ANKS4B: variants seen among roughly 807,000 people sequenced by gnomAD.
ANKS4B encodes ankyrin repeat and SAM domain-containing protein 4B.
Under a neutral mutation model 20.2 loss-of-function variants are expected in ANKS4B, and 21 were observed. That is an observed-to-expected ratio of 1.04 (90% confidence interval 0.74 to 1.50). The LOEUF (loss-of-function observed/expected upper bound fraction) is 1.50. Ranked by LOEUF, ANKS4B falls within the 40% of genes most tolerant of loss-of-function variation. The probability of loss-of-function intolerance (pLI) is 0.00; values close to 1 mark genes in which losing one functional copy is unlikely to be tolerated. For missense variants in ANKS4B, 473 were observed against 494.6 expected (o/e 0.96, Z 0.41); for synonymous variants, 179 against 194.5 (o/e 0.92, Z 0.66).
At chr16:21,234,782 C>G (rs1398530577) in intron 1 of ANKS4B, among the ~76,000 whole-genome samples, 1 of 152,138 alleles carries the variant, frequency 6.6e-6, no homozygotes, top group East Asian at 1.9e-4. Context: ...AAGACAGCCA[C>G]AGTCCCTGTC....
chr16:21,234,018 A>G (rs773226598), intron 1 of ANKS4B, 117 bp downstream of exon 1: 107 of 1,051,802 alleles, frequency 1.0e-4, no homozygotes, highest in Middle Eastern at 3.2e-4. Flanking sequence ...GATTGTCTAA[A>G]TGATTGGATT....
chr16:21,246,700 A>T (rs1203819833), intron 1 of ANKS4B, among the ~76,000 whole-genome samples: 3 of 152,162 alleles, frequency 2.0e-5, no homozygotes, highest in Non-Finnish European at 4.4e-5. Flanking sequence ...AGATGATTTG[A>T]CTGGGAGACC....
chr16:21,240,449 C>T lies in ANKS4B; in HGVS notation c.164+6548C>T, dbSNP rs1210074217. Among the ~76,000 whole-genome samples, 3 of 152,152 alleles carry T rather than the reference C, an allele frequency of 2.0e-5. No individual in the cohort carries two copies. The East Asian group carries it at 5.8e-4, about 29-fold the overall frequency. ...GACTACAGGTGCCTGCCACCACACC[C>T]CGCTAATTTTTGTATTTTTAGTAGA... On this transcript the variant is annotated intron_variant, in intron 1 of 1. Coordinates refer to ENST00000311620, the MANE Select transcript of ANKS4B (RefSeq NM_145865.3).
chr16:21,235,576 T>C (rs2152859048), intron 1 of ANKS4B, among the ~76,000 whole-genome samples: 1 of 152,170 alleles, frequency 6.6e-6, no homozygotes, highest in East Asian at 1.9e-4. Context: ...TCGAGATGAG[T>C]TGGACTAGGG....
intron 1 of ANKS4B, among the ~76,000 whole-genome samples, chr16:21,237,513 C>A (rs961772554): frequency 1.3e-5 from 2 of 152,012 alleles, no homozygotes; most frequent in Non-Finnish European, 1.5e-5. Context: ...CTGATGACAG[C>A]CCTGTCTCCG....
At chr16:21,243,258 G>A (rs1164545746) in intron 1 of ANKS4B, among the ~76,000 whole-genome samples, 1 of 151,942 alleles carries the variant, frequency 6.6e-6, no homozygotes, top group Non-Finnish European at 1.5e-5. Context: ...AAAATCAAGG[G>A]AAAAATGGGT....
At chr16:21,239,938 A>C (rs142425952) in intron 1 of ANKS4B, among the ~76,000 whole-genome samples, 3,120 of 152,288 alleles carry the variant, frequency 0.02, 34 homozygotes, top group Middle Eastern at 0.088. Context: ...TATATAACAA[A>C]CCTGCACATG....
chr16:21,234,483 TACACAC>T (rs34242527), intron 1 of ANKS4B, among the ~76,000 whole-genome samples: 1,721 of 124,710 alleles, frequency 0.014, 32 homozygotes, highest in African/African-American at 0.046. Context: ...AGTGGATAGA[TACACAC>T]ACACACACAC....
chr16:21,242,418 C>G (rs2093327541), intron 1 of ANKS4B, among the ~76,000 whole-genome samples: 1 of 152,194 alleles, frequency 6.6e-6, no homozygotes, highest in African/African-American at 2.4e-5. Flanking sequence ...AATCTCTTGA[C>G]CTCGTGATCT....
At chr16:21,239,076 G>C (rs1486440470) in intron 1 of ANKS4B, 1 of 152,180 alleles carries the variant, frequency 6.6e-6, no homozygotes, top group African/African-American at 2.4e-5. Context: ...TCTCACATCA[G>C]TCAGAATGGC....
In ANKS4B at chr16:21,249,992, T is replaced by A. The variant is rs1370550619; in HGVS notation, c.426T>A (p.Asn142Lys). ...GGCTGAAGGAGCAGGCTCAGAAGAA[T>A]GCCAGGAGGCAGATCAAAGAGTGTG... ...VTRLKEQAQK[N>K]ARRQIKECER... Residue 142 changes from asparagine to lysine, a missense_variant, in exon 2 of 2, where the codon AAT becomes AAA. Physicochemically the swap from Asn to Lys is moderately conservative, Grantham distance 94 (BLOSUM62 0). Coordinates refer to ENST00000311620, the MANE Select transcript of ANKS4B (RefSeq NM_145865.3). The A allele has an allele frequency of 6.2e-7, 1 of 1,614,200 alleles. No individual in the cohort carries two copies. Among genetic ancestry groups the A allele is most frequent in the Middle Eastern group, 1.6e-4 (1 of 6,062 alleles).
At chr16:21,239,396 G>A (rs2093323835) in intron 1 of ANKS4B, among the ~76,000 whole-genome samples, 1 of 152,132 alleles carries the variant, frequency 6.6e-6, no homozygotes, top group Non-Finnish European at 1.5e-5. Context: ...TCAACATGGT[G>A]AAACCTCATC....
At chr16:21,234,297 G>GT (rs200575818) in intron 1 of ANKS4B, among the ~76,000 whole-genome samples, 2,927 of 148,928 alleles carry the variant, frequency 0.02, 39 homozygotes, top group South Asian at 0.046. Flanking sequence ...CATGGTTTTA[G>GT]TTTTTTTTTT....
chr16:21,250,012 AGT>A lies in ANKS4B; in HGVS notation c.450_451del (p.Cys150Ter). On this transcript the variant is annotated frameshift_variant, in exon 2 of 2. Transcript: ENST00000311620. LOFTEE classifies it high-confidence loss of function. The stretch of plus-strand genomic sequence containing the variant: ...AAGAATGCCAGGAGGCAGATCAAAG[AGT>A]GTGAGAGGCTCCAGGAGAAGCACCA... The A allele has an allele frequency of 6.2e-7, 1 of 1,614,210 alleles. No homozygotes were observed. Among genetic ancestry groups the A allele is most frequent in the Non-Finnish European group, 8.5e-7 (1 of 1,180,046 alleles).
chr16:21,246,387 A>C (rs529462412), intron 1 of ANKS4B, among the ~76,000 whole-genome samples: 1 of 152,358 alleles, frequency 6.6e-6, no homozygotes, highest in South Asian at 2.1e-4. Flanking sequence ...TGTTTGGACT[A>C]CTATAAGTAT....
intron 1 of ANKS4B, 53 bp from the exon 2 acceptor site, chr16:21,249,678 C>A: frequency 3.9e-6 from 6 of 1,528,492 alleles, no homozygotes; most frequent in Non-Finnish European, 3.5e-6. Context: ...TTTGGGCCTG[C>A]GTTCAGAGAA....
At chr16:21,237,679 C>T (rs899899082) in intron 1 of ANKS4B, among the ~76,000 whole-genome samples, 1 of 152,052 alleles carries the variant, frequency 6.6e-6, no homozygotes, top group Non-Finnish European at 1.5e-5. Flanking sequence ...CTTCATGACT[C>T]AATCGTCTCC....
chr16:21,249,749 T>G lies in ANKS4B; in HGVS notation c.183T>G (p.Cys61Trp). 1.9e-6 allele frequency: 3 copies of G among 1,612,008 alleles called. No homozygotes were observed. The highest frequency in any genetic ancestry group is 2.5e-6 in the Non-Finnish European group (3 of 1,178,296). Reference sequence around the variant, plus strand: ...CTTCTAGAGGGGACCCTGATAGGTGTGACATCTGGGGAAACACTCCTCTAC... The same window carrying G: ...CTTCTAGAGGGGACCCTGATAGGTGGGACATCTGGGGAAACACTCCTCTAC... ...ICSRGGDPDR[C>W]DIWGNTPLHF... is the part of the protein sequence containing the mutation. The change falls in exon 2 of 2, where the codon TGT (cysteine) becomes TGG (tryptophan). Residue 61 changes from cysteine (C) to tryptophan (W), a missense_variant. Transcript: ENST00000311620.
chr16:21,233,932 A>G, intron 1 of ANKS4B, 31 bp downstream of exon 1: 2 of 1,594,550 alleles, frequency 1.3e-6, no homozygotes, highest in Non-Finnish European at 1.7e-6. Flanking sequence ...TCTGTTGGAA[A>G]CAGTGTTCAT....
Sources: gnomAD v4.1 joint callset for allele counts (sites outside exome capture counted in the v4.1 genomes callset) on GRCh38, gnomAD v4.1.1 for gene constraint, MANE v1.5 for transcripts, NCBI Gene and HGNC (gene_info 2026-07-23, HGNC 2026-07-21) for gene names.